Variants in SYNE4 observed in about 807,000 individuals in gnomAD.
SYNE4 encodes the protein nesprin-4.
In SYNE4, 41 loss-of-function variants were observed where a neutral mutation model predicts 46.9. The observed-to-expected ratio is 0.87, with a 90% CI of 0.68 to 1.13. SYNE4 has a LOEUF of 1.13. Ranked by LOEUF, SYNE4 falls within the 50% of genes most tolerant of loss-of-function variation. The pLI is 0.00. For synonymous variants in SYNE4, 221 were observed against 219.5 expected, an observed-to-expected ratio of 1.01 and a Z score of -0.06; for missense variants, 492 against 514.8, an observed-to-expected ratio of 0.96 and a Z score of 0.43.
At position 36,008,614 on chromosome 19, in the gene SYNE4, G is replaced by A. The variant is rs1968476854; in HGVS notation, c.68C>T (p.Pro23Leu). ...SEPLNHPPGA[P>L]READIVGCTV... is the part of the protein sequence containing the mutation. Reference sequence around the variant, plus strand: ...GCATCCAACAATGTCCGCCTCTCTAGGTGCTCCCGGTGGGTGGTTGAGGGG... The same window carrying A: ...GCATCCAACAATGTCCGCCTCTCTAAGTGCTCCCGGTGGGTGGTTGAGGGG... The change falls in exon 1 of 8, where the codon CCT becomes CTT. Residue 23 changes from proline to leucine, a missense_variant. Transcript: ENST00000324444. 4 of 1,614,096 alleles carry A rather than the reference G, an allele frequency of 2.5e-6. No individual in the cohort carries two copies. The highest frequency in any genetic ancestry group is 3.4e-6 in the Non-Finnish European group (4 of 1,179,962).
rs760974573 is a variant in SYNE4 at position 36,006,914 on chromosome 19, C to T, written c.454G>A (p.Glu152Lys). 2.3e-5 allele frequency: 36 copies of T among 1,553,186 alleles called. No individual in the cohort carries two copies. The highest frequency in any genetic ancestry group is 3.0e-5 in the Non-Finnish European group (34 of 1,148,578). Residue 152 changes from glutamate to lysine, a missense_variant, in exon 4 of 8, where the codon GAG becomes AAG. Coordinates refer to ENST00000324444, the MANE Select transcript of SYNE4 (RefSeq NM_001039876.3). Reference sequence around the variant, plus strand: ...AACGCTAGCAGCGCCTCCACACGCTCAGCTGCCCCTCGTAGGTCCACCTGG... The same window carrying T: ...AACGCTAGCAGCGCCTCCACACGCTTAGCTGCCCCTCGTAGGTCCACCTGG... ...ALQVDLRGAAERVEALLAFGE... is the reference protein window; with the variant it reads ...ALQVDLRGAAKRVEALLAFGE...
In SYNE4 at chr19:36,008,339, CCT is replaced by C. The variant is rs1296122142; in HGVS notation, c.155_156del (p.Gln52ArgfsTer7). 6.4e-7 allele frequency: 1 copy of C among 1,565,316 alleles called. No homozygotes were observed. The highest frequency in any genetic ancestry group is 1.2e-5 in the South Asian group (1 of 83,476). On this transcript the variant is annotated frameshift_variant, in exon 2 of 8. Coordinates refer to ENST00000324444, the MANE Select transcript of SYNE4 (RefSeq NM_001039876.3). LOFTEE classifies it high-confidence loss of function. Reference protein sequence around the residue: ...TSPEQAQTLGQDSLGPPEHFQ... With the variant: ...TSPEQAQTLGXDSLGPPEHFQ... ...AAGTGCTCAGGAGGGCCCAAGGAGT[CCT>C]GTCCCAGGGTCTGGGCCTGCTCTGG...
chr19:36,006,110 G>A, intron 5 of SYNE4: 1 of 345,576 alleles, frequency 2.9e-6, no homozygotes, highest in Non-Finnish European at 5.2e-6. Context: ...AGATAGGAGT[G>A]CTCATGTTTG....
At chr19:36,008,059 T>C (rs1968437705) in intron 2 of SYNE4, among the ~76,000 whole-genome samples, 158 bp downstream of exon 2, 1 of 150,640 alleles carries the variant, frequency 6.6e-6, no homozygotes, top group East Asian at 1.9e-4. Flanking sequence ...GTCTCCCCAG[T>C]TGGTCAGATA....
rs754361514 is a variant in SYNE4 at position 36,006,826 on chromosome 19, C to T, written c.542G>A (p.Arg181Gln). Residue 181 changes from arginine (R) to glutamine (Q), a missense_variant, in exon 4 of 8, where the codon CGG becomes CAG. Arg to Gln is a conservative substitution (Grantham distance 43). Transcript: ENST00000324444. ...RAWAALEQIL[R>Q]ALGAYRDSIF... ...GGAGTCTCGGTAAGCTCCCAGGGCC[C>T]GCAGGATCTGCTCCAGGGCTGCCCA... 2.1e-5 allele frequency: 34 copies of T among 1,603,590 alleles called. No homozygotes were observed. The highest frequency in any genetic ancestry group is 4.5e-5 in the South Asian group (4 of 89,546).
intron 6 of SYNE4, among the ~76,000 whole-genome samples, chr19:36,004,069 C>T (rs964183288): frequency 6.6e-6 from 1 of 152,272 alleles, no homozygotes; most frequent in East Asian, 1.9e-4. Context: ...AGTGCAGTTT[C>T]ACAATCACGA....
Position 36,003,332 on chromosome 19 carries a change from A to G in SYNE4, c.*5T>C, listed in dbSNP as rs73928380. 4.5e-4 allele frequency: 727 copies of G among 1,613,978 alleles called. 3 individuals carry two copies. The African/African-American group carries it at 8.6e-3, about 19-fold the overall frequency. ...TCCTTTGACAGTGACCATTTATTACACACATCAGACTGGGGGAAGACCATT... is the reference window on the plus strand; with the variant it reads ...TCCTTTGACAGTGACCATTTATTACGCACATCAGACTGGGGGAAGACCATT... On this transcript the variant is annotated 3_prime_UTR_variant, in exon 8 of 8. Coordinates refer to ENST00000324444, the MANE Select transcript of SYNE4 (RefSeq NM_001039876.3).
chr19:36,008,535 C>A lies in SYNE4; in HGVS notation c.128+19G>T, dbSNP rs764049093. 3.1e-6 allele frequency: 5 copies of A among 1,613,056 alleles called. No homozygotes were observed. The highest frequency in any genetic ancestry group is 2.5e-6 in the Non-Finnish European group (3 of 1,179,926). On this transcript the variant is annotated intron_variant, in intron 1 of 7. Coordinates refer to ENST00000324444, the MANE Select transcript of SYNE4 (RefSeq NM_001039876.3). ...CGCCTACCCTTTTGGGAACAAGCTTCCAAAGCCCCGGCCCCCACCTCGTGC... is the reference window on the plus strand; with the variant it reads ...CGCCTACCCTTTTGGGAACAAGCTTACAAAGCCCCGGCCCCCACCTCGTGC...
intron 6 of SYNE4, among the ~76,000 whole-genome samples, chr19:36,004,959 C>T (rs1428347990): frequency 7.0e-6 from 1 of 143,030 alleles, no homozygotes; most frequent in East Asian, 2.2e-4. Flanking sequence ...CTCACCGCAA[C>T]CTCCGCCTCC....
intron 5 of SYNE4, 46 bp downstream of exon 5, chr19:36,006,377 C>T (rs1427650136): frequency 3.9e-6 from 6 of 1,551,614 alleles, no homozygotes; most frequent in Non-Finnish European, 5.2e-6. Context: ...GCAGAGATGT[C>T]CCCAGGGTGC....
At chr19:36,004,262 A>G (rs1005819081) in intron 6 of SYNE4, among the ~76,000 whole-genome samples, 6 of 152,144 alleles carry the variant, frequency 3.9e-5, no homozygotes, top group Non-Finnish European at 7.4e-5. Flanking sequence ...GCCTTAAGCA[A>G]TCCTCCTGCC....
In SYNE4 at chr19:36,008,287, G is replaced by A. The variant is rs1968452255; in HGVS notation, c.209C>T (p.Pro70Leu). ...TGACCATCTCGGGGGGTGAGCGGCA[G>A]GCTCATTGCCCCTTGGCCCACCCTG... is the stretch of plus-strand genomic sequence containing the variant. Reference protein sequence around the residue: ...HFQGGPRGNEPAAHPPRWSTP... With the variant: ...HFQGGPRGNELAAHPPRWSTP... Residue 70 changes from proline (P) to leucine (L), a missense_variant, in exon 2 of 8, where the codon CCT (proline) becomes CTT (leucine). Transcript: ENST00000324444. The A allele has an allele frequency of 6.3e-7, 1 of 1,598,460 alleles. No homozygotes were observed. The highest frequency in any genetic ancestry group is 1.3e-5 in the African/African-American group (1 of 74,530).
In SYNE4 at chr19:36,007,121, C is replaced by A; in HGVS notation, c.423+4G>T. ...ACCCCCACATCCTGGCCTCTCCTGC[C>A]TACCTGCAGCTGCACCATCCCACTC... On this transcript the variant is annotated splice_donor_region_variant and intron_variant, in intron 3 of 7. Coordinates refer to ENST00000324444, the MANE Select transcript of SYNE4 (RefSeq NM_001039876.3). 1 of 1,597,972 alleles carries A rather than the reference C, an allele frequency of 6.3e-7. No individual in the cohort carries two copies. The highest frequency in any genetic ancestry group is 1.7e-5 in the Admixed American group (1 of 58,358).
chr19:36,008,525 G>A (rs765002656), intron 1 of SYNE4, 29 bp downstream of exon 1: 11 of 1,612,606 alleles, frequency 6.8e-6, no homozygotes, highest in African/African-American at 1.3e-5. Flanking sequence ...ACCCTTTTGG[G>A]AACAAGCTTC....
chr19:36,005,668 A>G (rs1234101541), intron 5 of SYNE4: 9 of 500,700 alleles, frequency 1.8e-5, no homozygotes. Context: ...GGATGGAAAT[A>G]GGCAAATTCC....
intron 6 of SYNE4, among the ~76,000 whole-genome samples, chr19:36,004,963 C>T (rs1409990394): frequency 1.3e-5 from 2 of 148,300 alleles, no homozygotes; most frequent in South Asian, 2.1e-4. Flanking sequence ...CCGCAACCTC[C>T]GCCTCCCGGG....
chr19:36,006,635 C>T lies in SYNE4; in HGVS notation c.655G>A (p.Glu219Lys), dbSNP rs990377107. 1 of 1,609,732 alleles carries T rather than the reference C, an allele frequency of 6.2e-7. No individual in the cohort carries two copies. The highest frequency in any genetic ancestry group is 1.3e-5 in the African/African-American group (1 of 74,824). ...EEANTLDQDL[E>K]VEGDSDWPGP... ...GGCCAGTCCGAGTCTCCCTCGACCT[C>T]CAAGTCCTGGTCCAGCGTGTTGGCC... The change falls in exon 5 of 8, where the codon GAG becomes AAG. Residue 219 changes from glutamate to lysine, a missense_variant. Coordinates refer to ENST00000324444, the MANE Select transcript of SYNE4 (RefSeq NM_001039876.3).
intron 1 of SYNE4, 57 bp downstream of exon 1, chr19:36,008,497 G>T: frequency 6.2e-7 from 1 of 1,610,792 alleles, no homozygotes; most frequent in Non-Finnish European, 8.5e-7. Context: ...CCCTCACATG[G>T]CCCCTGCCAC....
At chr19:36,006,120 G>T in intron 5 of SYNE4, 1 of 364,752 alleles carries the variant, frequency 2.7e-6, no homozygotes, top group Non-Finnish European at 4.9e-6. Flanking sequence ...GCTCATGTTT[G>T]GAGGTCACGA....
Sources: allele counts gnomAD v4.1 joint callset (sites outside exome capture counted in the v4.1 genomes callset), GRCh38; gene constraint gnomAD v4.1.1; transcripts MANE v1.5; gene names NCBI Gene and HGNC (gene_info 2026-07-23, HGNC 2026-07-21).